Variants in CS observed in about 807,000 individuals in gnomAD.
The protein encoded by CS is citrate synthase, mitochondrial.
In CS, 13 loss-of-function variants were observed where a neutral mutation model predicts 61.4. The observed-to-expected ratio is 0.21, with a 90% confidence interval of 0.14 to 0.34. The LOEUF (loss-of-function observed/expected upper bound fraction) is 0.34, where lower values mean the gene tolerates loss of function less well. Ranked by LOEUF, CS falls within the 10% of genes least tolerant of loss-of-function variation. The pLI is 1.00. For synonymous variants in CS, 159 were observed against 215.2 expected (o/e 0.74, Z 2.29); for missense variants, 278 against 573.4 (o/e 0.48, Z 5.26).
Position 56,275,080 on chromosome 12 carries a change from A to G in CS, c.840T>C (p.Ser280=). Residue 280 remains serine, a synonymous_variant, in exon 8 of 11, where the codon AGT becomes AGC. Transcript: ENST00000351328. ...AGGACAGGTAAGGGTCGGAAAGGGC[A>G]CTGCCCACCAAATGGCTGGTATGGG... is the stretch of plus-strand genomic sequence containing the variant. The part of the protein sequence containing the change: ...VSAHTSHLVG[S]ALSDPYLSFA... 1.2e-6 allele frequency: 2 copies of G among 1,614,240 alleles called. No individual in the cohort carries two copies. The highest frequency in any genetic ancestry group is 8.5e-7 in the Non-Finnish European group (1 of 1,180,044).
At position 56,287,909 on chromosome 12, in the gene CS, C is replaced by T. The variant is rs150783641; in HGVS notation, c.43-1264G>A. Among the ~76,000 whole-genome samples, 187 of 152,216 alleles carry T rather than the reference C, an allele frequency of 1.2e-3. 3 individuals carry two copies. In the East Asian group the frequency reaches 0.026, roughly 21 times the overall value. ...CTGACCTCAGGTGATCTGCCTGCCT[C>T]GGCCTCTCAAAGCACTGGGATTACA... is the stretch of plus-strand genomic sequence containing the variant. On this transcript the variant is annotated intron_variant, in intron 1 of 10. Transcript: ENST00000351328.
At chr12:56,277,830 T>G (rs949055827) in intron 6 of CS, among the ~76,000 whole-genome samples, 1 of 151,810 alleles carries the variant, frequency 6.6e-6, no homozygotes, top group African/African-American at 2.4e-5. Flanking sequence ...GGTTTCACCA[T>G]GTTGGTCAGG....
chr12:56,286,937 C>A (rs1158334043), intron 1 of CS, among the ~76,000 whole-genome samples: 1 of 152,112 alleles, frequency 6.6e-6, no homozygotes, highest in African/African-American at 2.4e-5. Flanking sequence ...TTTTGAGTGA[C>A]CCCAAGGAAA....
At position 56,286,038 on chromosome 12, in the gene CS, A is replaced by G. The variant is rs1872930348; in HGVS notation, c.94-15T>C. The G allele has an allele frequency of 6.3e-7, 1 of 1,588,196 alleles. No individual in the cohort carries two copies. Among genetic ancestry groups the G allele is most frequent in the South Asian group, 1.1e-5 (1 of 90,570 alleles). On this transcript the variant is annotated splice_polypyrimidine_tract_variant and intron_variant, in intron 2 of 10. Coordinates refer to ENST00000351328, the MANE Select transcript of CS (RefSeq NM_004077.3). Reference sequence around the variant, plus strand: ...TCTTTCAAATTCTAAAAAGAAAAGTAGAAGGACTAAGCAATGGTCTAAAAG... The same window carrying G: ...TCTTTCAAATTCTAAAAAGAAAAGTGGAAGGACTAAGCAATGGTCTAAAAG...
intron 1 of CS, among the ~76,000 whole-genome samples, chr12:56,298,065 C>G (rs1304442636): frequency 6.6e-6 from 1 of 151,500 alleles, no homozygotes; most frequent in Non-Finnish European, 1.5e-5. Flanking sequence ...ATGGAGCGAT[C>G]TGGGCTCACC....
intron 10 of CS, 82 bp from the exon 11 acceptor site, chr12:56,273,336 G>C: frequency 1.4e-6 from 2 of 1,428,498 alleles, no homozygotes; most frequent in Non-Finnish European, 1.9e-6. Flanking sequence ...AACCTTAAAA[G>C]CTAAATTTTC....
chr12:56,283,133 T>C, intron 4 of CS, 142 bp from the exon 5 acceptor site: 1 of 948,680 alleles, frequency 1.1e-6, no homozygotes, highest in South Asian at 1.6e-5. Context: ...GGTCTTGCTA[T>C]GTTGCTCAGA....
At chr12:56,281,178 T>C (rs929224897) in intron 6 of CS, among the ~76,000 whole-genome samples, 8 of 152,222 alleles carry the variant, frequency 5.3e-5, no homozygotes, top group Non-Finnish European at 7.3e-5. Context: ...TCTGTTCCTA[T>C]ACTACCTATC....
At chr12:56,299,705 G>C (rs1873418690) in intron 1 of CS, 1 of 157,374 alleles carries the variant, frequency 6.4e-6, no homozygotes, top group African/African-American at 2.4e-5. Context: ...AACTGACAAG[G>C]CCCTTCCTAC....
At chr12:56,277,287 C>T (rs1308385269) in intron 6 of CS, among the ~76,000 whole-genome samples, 2 of 150,672 alleles carry the variant, frequency 1.3e-5, no homozygotes, top group East Asian at 4.0e-4. Context: ...ATCATGAGGT[C>T]AGGAGATCGA....
Position 56,271,835 on chromosome 12 carries a change from A to G in CS, c.*1249T>C. The G allele has an allele frequency of 2.2e-6, 1 of 456,262 alleles. No homozygotes were observed. The highest frequency in any genetic ancestry group is 2.4e-5 in the Admixed American group (1 of 42,532). The allele number at this position is 456,262 out of a possible 1,614,324, so 28.3% of individuals were successfully genotyped here. ...TCTGGGACTGGGTATCCACACAAAC[A>G]CAGGCAGGAGTTTGGAGGAAAGATG... On this transcript the variant is annotated 3_prime_UTR_variant, in exon 11 of 11. Transcript: ENST00000351328.
rs1383591880 is a variant in CS, at chr12:56,272,390, A to G, written c.*694T>C. ...CCAGAACATCCTCTGCCTGAGGTGC[A>G]ACAGGTGTAGAAAGTCTGGGAGGAG... On this transcript the variant is annotated 3_prime_UTR_variant, in exon 11 of 11. Transcript: ENST00000351328. 1 of 153,900 alleles carries G rather than the reference A, an allele frequency of 6.5e-6. No individual in the cohort carries two copies. Among genetic ancestry groups the G allele is most frequent in the Non-Finnish European group, 1.4e-5 (1 of 69,338 alleles). The allele number at this position is 153,900 out of a possible 1,614,324, so 9.5% of individuals were successfully genotyped here. A position where few individuals can be genotyped will look rare whatever the true frequency, so the allele number is the denominator to read the frequency against.
intron 9 of CS, chr12:56,274,421 G>C (rs1260103319): frequency 1.1e-5 from 2 of 182,302 alleles, no homozygotes; most frequent in Admixed American, 1.1e-4. Context: ...AAAGTGCTAA[G>C]ATTATAAGCG....
intron 1 of CS, among the ~76,000 whole-genome samples, chr12:56,288,407 A>G (rs1873011274): frequency 7.2e-6 from 1 of 138,996 alleles, no homozygotes. Context: ...GCTGAAGTGC[A>G]GTGGCGTGAT....
chr12:56,273,476 G>T, intron 10 of CS, 111 bp downstream of exon 10: 1 of 1,156,276 alleles, frequency 8.6e-7, no homozygotes, highest in Non-Finnish European at 1.3e-6. Context: ...TTATCAAAAT[G>T]CTCTGTGAGG....
chr12:56,285,447 T>G, intron 3 of CS, among the ~76,000 whole-genome samples: 1 of 152,182 alleles, frequency 6.6e-6, no homozygotes, highest in South Asian at 2.1e-4. Flanking sequence ...CATCTCTGGC[T>G]AATTTTTTAA....
chr12:56,279,752 C>T (rs1033659775), intron 6 of CS, among the ~76,000 whole-genome samples: 7 of 148,634 alleles, frequency 4.7e-5, no homozygotes, highest in Non-Finnish European at 1.0e-4. Context: ...GGCAACAGAG[C>T]GAGACTCCAT....
intron 1 of CS, chr12:56,299,939 C>T (rs906723787): frequency 2.0e-6 from 1 of 492,488 alleles, no homozygotes; most frequent in East Asian, 4.3e-5. Context: ...TTCTGGACTG[C>T]GGGCCGAGGG....
chr12:56,297,760 A>T (rs1592415848), intron 1 of CS, among the ~76,000 whole-genome samples: 1 of 152,226 alleles, frequency 6.6e-6, no homozygotes, highest in African/African-American at 2.4e-5. Context: ...GCTGAGACTC[A>T]AAGTGGTAAG....
Sources: gnomAD v4.1 joint callset for allele counts (sites outside exome capture counted in the v4.1 genomes callset) on GRCh38, gnomAD v4.1.1 for gene constraint, MANE v1.5 for transcripts, NCBI Gene and HGNC (gene_info 2026-07-23, HGNC 2026-07-21) for gene names.